ERICH6: variants seen among roughly 807,000 people sequenced by gnomAD.
The protein encoded by ERICH6 is glutamate-rich protein 6.
Under a neutral mutation model 71.0 loss-of-function variants are expected in ERICH6, and 71 were observed. That is an observed-to-expected ratio of 1.00 (90% CI 0.83 to 1.22). The LOEUF (loss-of-function observed/expected upper bound fraction) is 1.22. ERICH6 is among the 50% of genes most tolerant of loss of function. ERICH6 has a pLI of 0.00. For missense variants in ERICH6, 808 were observed against 797.2 expected (o/e 1.01, Z -0.16); for synonymous variants, 262 against 278.4 (o/e 0.94, Z 0.59).
rs531964134 is a variant in ERICH6, at chr3:150,683,299, G to A, written c.784-983C>T. On this transcript the variant is annotated intron_variant, in intron 6 of 13. Coordinates refer to ENST00000295910, the MANE Select transcript of ERICH6 (RefSeq NM_152394.5). ...GAGTGAAGTCTCGCACTAGAGAGAT[G>A]ATGGAGGAAAATCTAGGATAGCTAT... 3.3e-5 allele frequency among the ~76,000 whole-genome samples: 5 copies of A among 152,356 alleles called. No individual in the cohort carries two copies. The South Asian group carries it at 1.0e-3, about 32-fold the overall frequency.
chr3:150,680,250 T>C (rs924530231), intron 9 of ERICH6, among the ~76,000 whole-genome samples: 1 of 152,218 alleles, frequency 6.6e-6, no homozygotes, highest in Non-Finnish European at 1.5e-5. Flanking sequence ...TTATTTTTCA[T>C]AGAGACAGGA....
intron 3 of ERICH6, among the ~76,000 whole-genome samples, chr3:150,693,857 T>C (rs1712545800): frequency 6.6e-6 from 1 of 152,196 alleles, no homozygotes; most frequent in Non-Finnish European, 1.5e-5. Flanking sequence ...ATCTTCAAAA[T>C]AATGTTTTCA....
intron 2 of ERICH6, among the ~76,000 whole-genome samples, chr3:150,700,846 T>C (rs1012205691): frequency 2.0e-5 from 3 of 152,194 alleles, no homozygotes; most frequent in African/African-American, 7.2e-5. Flanking sequence ...CCTCCCAAAG[T>C]GCTGGGATTA....
At chr3:150,697,539 TAGTC>T (rs2108077592) in intron 3 of ERICH6, among the ~76,000 whole-genome samples, 1 of 152,292 alleles carries the variant, frequency 6.6e-6, no homozygotes, top group South Asian at 2.1e-4. Context: ...CTAGATCTAG[TAGTC>T]AGTTCTCAGT....
In ERICH6 at chr3:150,666,381, G is replaced by A. The variant is rs559516632; in HGVS notation, c.1728+406C>T. Among the ~76,000 whole-genome samples the A allele has an allele frequency of 7.2e-4, 110 of 152,282 alleles. 1 individual carries two copies. The highest frequency in any genetic ancestry group is 2.6e-3 in the African/African-American group (109 of 41,560). On this transcript the variant is annotated intron_variant, in intron 13 of 13. Transcript: ENST00000295910. ...ACTGGGTGAAGGACTAGGAGGTCTG[G>A]GAAGTGTCTCTAAGGAGACAGGGCT...
chr3:150,677,217 A>G (rs1488057320), intron 10 of ERICH6, among the ~76,000 whole-genome samples: 1 of 152,192 alleles, frequency 6.6e-6, no homozygotes, highest in Admixed American at 6.5e-5. Flanking sequence ...AGCTGGGATT[A>G]CAGGTGCAAG....
intron 3 of ERICH6, among the ~76,000 whole-genome samples, chr3:150,688,615 C>G (rs1207524328): frequency 6.6e-6 from 1 of 152,200 alleles, no homozygotes; most frequent in Non-Finnish European, 1.5e-5. Context: ...ACCTGCCTCC[C>G]ATTCTATTCA....
At chr3:150,673,863 G>A (rs924329801) in intron 11 of ERICH6, 93 bp downstream of exon 11, 2 of 1,198,436 alleles carry the variant, frequency 1.7e-6, no homozygotes, top group Non-Finnish European at 2.4e-6. Context: ...TTACAGGTGT[G>A]AGCCACTGCA....
At chr3:150,663,569 G>A (rs1366625263) in intron 13 of ERICH6, among the ~76,000 whole-genome samples, 1 of 152,008 alleles carries the variant, frequency 6.6e-6, no homozygotes, top group African/African-American at 2.4e-5. Context: ...GCCAATGGTG[G>A]GCTCAAGTTA....
chr3:150,681,421 C>T (rs1356073459), intron 7 of ERICH6, among the ~76,000 whole-genome samples: 4 of 152,126 alleles, frequency 2.6e-5, no homozygotes, highest in African/African-American at 4.8e-5. Context: ...TATGGATATA[C>T]CACATTTTAT....
chr3:150,664,646 G>GA (rs377754632), intron 13 of ERICH6, among the ~76,000 whole-genome samples: 1,925 of 136,792 alleles, frequency 0.014, 33 homozygotes, highest in African/African-American at 0.044. Flanking sequence ...GACTCCATCT[G>GA]AAAAAAAAAA....
At chr3:150,691,111 A>G (rs1029306810) in intron 3 of ERICH6, among the ~76,000 whole-genome samples, 2 of 152,204 alleles carry the variant, frequency 1.3e-5, no homozygotes, top group African/African-American at 2.4e-5. Flanking sequence ...AATCTTTTTC[A>G]CTGTCTCAGT....
chr3:150,671,968 A>G (rs1711504800), intron 11 of ERICH6, among the ~76,000 whole-genome samples: 2 of 152,282 alleles, frequency 1.3e-5, no homozygotes, highest in South Asian at 4.1e-4. Flanking sequence ...ATAAGTGGTA[A>G]CTATGCCACA....
intron 12 of ERICH6, among the ~76,000 whole-genome samples, chr3:150,668,435 G>A (rs1251316093): frequency 2.6e-5 from 4 of 152,124 alleles, no homozygotes; most frequent in African/African-American, 4.8e-5. Flanking sequence ...AGAAACCAAC[G>A]AATATTGGTG....
Position 150,703,879 on chromosome 3 carries a change from G to C in ERICH6, c.20C>G (p.Pro7Arg). 1 of 1,613,850 alleles carries C rather than the reference G, an allele frequency of 6.2e-7. No individual in the cohort carries two copies. MAHLRS[P>R]SGFGDPGKKD... Reference sequence around the variant, plus strand: ...CTTCCCCGGGTCTCCGAAGCCGCTAGGCGAGCGCAAGTGGGCCATGGCTGG... The same window carrying C: ...CTTCCCCGGGTCTCCGAAGCCGCTACGCGAGCGCAAGTGGGCCATGGCTGG... The change falls in exon 1 of 14, where the codon CCT (proline) becomes CGT (arginine). Residue 7 changes from proline to arginine, a missense_variant. Pro to Arg is a moderately radical substitution (Grantham distance 103, BLOSUM62 -2). Transcript: ENST00000295910.
chr3:150,668,826 A>G (rs1711496080), intron 12 of ERICH6, among the ~76,000 whole-genome samples: 3 of 152,188 alleles, frequency 2.0e-5, no homozygotes, highest in South Asian at 2.1e-4. Flanking sequence ...TTTTGTGTGT[A>G]TGTTACTCTT....
intron 11 of ERICH6, 84 bp from the exon 12 acceptor site, chr3:150,669,535 G>A (rs1711497161): frequency 1.4e-6 from 2 of 1,434,124 alleles, no homozygotes; most frequent in South Asian, 2.6e-5. Context: ...AGAGCACTCT[G>A]AAATCATAAA....
At chr3:150,670,437 G>A (rs1174384590) in intron 11 of ERICH6, among the ~76,000 whole-genome samples, 3 of 146,976 alleles carry the variant, frequency 2.0e-5, no homozygotes, top group Admixed American at 6.9e-5. Flanking sequence ...AGCCAAGATC[G>A]TGCCACTGCA....
rs1380142387 is a variant in ERICH6, at chr3:150,659,889, TA to T, written c.*2del. On this transcript the variant is annotated 3_prime_UTR_variant, in exon 14 of 14. Transcript: ENST00000295910. ...AAACAAATGAAAGCACCATCATTCT[TA>T]GTTAAATTTCTTCATTTATTATATT... 1 of 1,593,546 alleles carries T rather than the reference TA, an allele frequency of 6.3e-7. No homozygotes were observed. Among genetic ancestry groups the T allele is most frequent in the South Asian group, 1.1e-5 (1 of 87,268 alleles).
Sources: gnomAD v4.1 joint callset for allele counts (sites outside exome capture counted in the v4.1 genomes callset) on GRCh38, gnomAD v4.1.1 for gene constraint, MANE v1.5 for transcripts, NCBI Gene and HGNC (gene_info 2026-07-23, HGNC 2026-07-21) for gene names.